Variants in MACROD2 observed in about 807,000 individuals in gnomAD.
The protein encoded by MACROD2 is ADP-ribose glycohydrolase MACROD2.
A neutral mutation model predicts 70.4 loss-of-function variants in MACROD2; 36 were observed. The ratio of observed to expected loss-of-function variants is 0.51; its 90% CI spans 0.39 to 0.68. The LOEUF is 0.68. MACROD2 is among the 30% of genes least tolerant of loss of function. MACROD2 has a pLI of 0.00. For missense variants in MACROD2, 496 were observed against 538.4 expected, an observed-to-expected ratio of 0.92 and a Z score of 0.78; for synonymous variants, 172 against 178.8, an observed-to-expected ratio of 0.96 and a Z score of 0.30.
intron 5 of MACROD2, among the ~76,000 whole-genome samples, chr20:14,814,678 T>C (rs2122186182): frequency 6.6e-6 from 1 of 152,122 alleles, no homozygotes; most frequent in East Asian, 1.9e-4. Context: ...CTATAGGTAC[T>C]TACCATGTTC....
At chr20:15,457,601 T>C (rs1295567680) in intron 7 of MACROD2, among the ~76,000 whole-genome samples, 1 of 152,188 alleles carries the variant, frequency 6.6e-6, no homozygotes, top group Non-Finnish European at 1.5e-5. Flanking sequence ...CAAGCCAGAA[T>C]ATAACTTGAC....
chr20:14,861,234 G>C (rs2073312887), intron 5 of MACROD2, among the ~76,000 whole-genome samples: 1 of 152,074 alleles, frequency 6.6e-6, no homozygotes, highest in East Asian at 1.9e-4. Context: ...TACCTAAATG[G>C]GCAATGGGAA....
intron 4 of MACROD2, among the ~76,000 whole-genome samples, chr20:14,575,763 T>G (rs1980559392): frequency 6.6e-6 from 1 of 152,206 alleles, no homozygotes; most frequent in South Asian, 2.1e-4. Context: ...GAGCTTTATT[T>G]GGATGAAGGA....
chr20:14,120,954 C>T (rs1464621761), intron 3 of MACROD2, among the ~76,000 whole-genome samples: 6 of 150,976 alleles, frequency 4.0e-5, no homozygotes, highest in Admixed American at 1.3e-4. Flanking sequence ...TCAATAGGTG[C>T]GACAAACCAT....
In MACROD2 at chr20:14,325,780, G is replaced by A. The variant is rs745695091; in HGVS notation, c.272-167699G>A. ...GTTGTCCTTCTTAGTGCCAGCTTCTGCATAGTCATCCTTTCTTCTCCTCCC... is the reference window on the plus strand; with the variant it reads ...GTTGTCCTTCTTAGTGCCAGCTTCTACATAGTCATCCTTTCTTCTCCTCCC... On this transcript the variant is annotated intron_variant, in intron 3 of 17. Transcript: ENST00000684519. 1.5e-5 allele frequency: 25 copies of A among 1,613,768 alleles called. No homozygotes were observed. The East Asian group carries it at 1.6e-4, about 10-fold the overall frequency.
chr20:14,823,943 A>G (rs2072874853), intron 5 of MACROD2, among the ~76,000 whole-genome samples: 1 of 152,164 alleles, frequency 6.6e-6, no homozygotes, highest in African/African-American at 2.4e-5. Context: ...TTGACAGAGT[A>G]AAATAAATTA....
At chr20:14,473,449 G>T (rs1001430046) in intron 3 of MACROD2, among the ~76,000 whole-genome samples, 2 of 152,174 alleles carry the variant, frequency 1.3e-5, no homozygotes, top group Non-Finnish European at 2.9e-5. Context: ...GTGCCCTCCA[G>T]TTCATCCATA....
intron 6 of MACROD2, among the ~76,000 whole-genome samples, chr20:15,419,392 G>A (rs189693277): frequency 3.8e-4 from 58 of 152,274 alleles, no homozygotes; most frequent in East Asian, 1.4e-3. Context: ...TGAGGGGGGC[G>A]TATCATGGAC....
intron 6 of MACROD2, among the ~76,000 whole-genome samples, chr20:15,301,955 T>G (rs1253798934): frequency 2.0e-5 from 3 of 152,040 alleles, no homozygotes; most frequent in African/African-American, 7.2e-5. Context: ...CCCACCAGTA[T>G]AAAACACACA....
intron 3 of MACROD2, among the ~76,000 whole-genome samples, chr20:14,292,150 C>T (rs2082391562): frequency 6.6e-6 from 1 of 151,844 alleles, no homozygotes; most frequent in African/African-American, 2.4e-5. Flanking sequence ...CATAACCTCC[C>T]AACTTTTCCC....
intron 3 of MACROD2, among the ~76,000 whole-genome samples, chr20:14,240,229 C>T (rs1439881420): frequency 2.6e-5 from 4 of 152,126 alleles, no homozygotes; most frequent in Non-Finnish European, 5.9e-5. Context: ...AATGCTTATA[C>T]GCTACTGGTG....
chr20:15,135,071 A>G (rs2076136201), intron 5 of MACROD2, among the ~76,000 whole-genome samples: 1 of 152,094 alleles, frequency 6.6e-6, no homozygotes, highest in African/African-American at 2.4e-5. Flanking sequence ...GGCAATAATC[A>G]ATAACTTACC....
intron 3 of MACROD2, chr20:14,325,133 T>C (rs1481394906): frequency 6.5e-6 from 1 of 153,132 alleles, no homozygotes. Flanking sequence ...TTTTACATTT[T>C]ATTAATACCA....
chr20:14,086,128 A>G, intron 3 of MACROD2: 1 of 339,296 alleles, frequency 2.9e-6, no homozygotes, highest in East Asian at 7.5e-5. Context: ...TGATTGAACT[A>G]TGTAAGACAA....
intron 2 of MACROD2, among the ~76,000 whole-genome samples, chr20:14,023,083 T>C (rs1254202051): frequency 1.3e-5 from 2 of 152,248 alleles, no homozygotes; most frequent in Non-Finnish European, 2.9e-5. Flanking sequence ...CCTGACTTTT[T>C]AATGATCACC....
intron 2 of MACROD2, among the ~76,000 whole-genome samples, chr20:14,044,347 C>T (rs1021388333): frequency 6.6e-6 from 1 of 152,000 alleles, no homozygotes; most frequent in Non-Finnish European, 1.5e-5. Context: ...CAGTGTGGAC[C>T]CAAAGAGAGA....
chr20:15,054,151 A>G (rs1387146831), intron 5 of MACROD2, among the ~76,000 whole-genome samples: 1 of 152,160 alleles, frequency 6.6e-6, no homozygotes, highest in Admixed American at 6.5e-5. Flanking sequence ...TGCTGTGAAC[A>G]TTGTTGAAAT....
At chr20:15,737,856 A>G (rs2051045813) in intron 8 of MACROD2, among the ~76,000 whole-genome samples, 1 of 120,670 alleles carries the variant, frequency 8.3e-6, no homozygotes, top group Admixed American at 8.9e-5. Context: ...CAGTAAATAA[A>G]TCAATGGATG....
At chr20:15,406,817 A>G (rs2046008950) in intron 6 of MACROD2, among the ~76,000 whole-genome samples, 1 of 152,222 alleles carries the variant, frequency 6.6e-6, no homozygotes. Context: ...GGCACAGATC[A>G]AACTCATTAA....
Sources: allele counts gnomAD v4.1 joint callset (sites outside exome capture counted in the v4.1 genomes callset), GRCh38; gene constraint gnomAD v4.1.1; transcripts MANE v1.5; gene names NCBI Gene and HGNC (gene_info 2026-07-23, HGNC 2026-07-21).